The following DPYD variants were observed in gnomAD, a reference collection of about 807,000 sequenced individuals.
DPYD encodes the protein dihydropyrimidine dehydrogenase.
Under a neutral mutation model 116.2 loss-of-function variants are expected in DPYD, and 109 were observed. That is an observed-to-expected ratio of 0.94 (90% CI 0.80 to 1.10). The LOEUF (loss-of-function observed/expected upper bound fraction) is 1.10. Among genes scored for constraint, DPYD ranks in the 50% least tolerant of loss-of-function variants. The probability of loss-of-function intolerance (pLI) is 0.00; values close to 1 mark genes in which losing one functional copy is unlikely to be tolerated. For synonymous variants in DPYD, 440 were observed against 432.0 expected, an observed-to-expected ratio of 1.02 and a Z score of -0.23; for missense variants, 1,302 against 1,254.5, an observed-to-expected ratio of 1.04 and a Z score of -0.57.
intron 1 of DPYD, among the ~76,000 whole-genome samples, chr1:97,909,968 G>A (rs1191907208): frequency 6.6e-6 from 1 of 151,928 alleles, no homozygotes; most frequent in Non-Finnish European, 1.5e-5. Context: ...GTTTACCAAA[G>A]TTCAGTCCCA....
chr1:97,664,874 A>G (rs1185136478), intron 8 of DPYD, among the ~76,000 whole-genome samples: 2 of 152,194 alleles, frequency 1.3e-5, no homozygotes, highest in Admixed American at 1.3e-4. Context: ...GCACGCACAC[A>G]CACATACACA....
intron 1 of DPYD, among the ~76,000 whole-genome samples, chr1:97,899,883 T>C (rs1438470700): frequency 6.6e-6 from 1 of 151,908 alleles, no homozygotes; most frequent in Non-Finnish European, 1.5e-5. Flanking sequence ...CATCTATCAA[T>C]TATACATGGA....
intron 3 of DPYD, among the ~76,000 whole-genome samples, chr1:97,790,405 C>T (rs970801836): frequency 1.3e-5 from 2 of 151,766 alleles, no homozygotes; most frequent in Admixed American, 6.6e-5. Flanking sequence ...GATACAAAGC[C>T]CAGAAGGATT....
intron 10 of DPYD, among the ~76,000 whole-genome samples, chr1:97,583,834 T>C (rs533929906): frequency 2.5e-4 from 38 of 152,164 alleles, no homozygotes; most frequent in Non-Finnish European, 4.6e-4. Context: ...TTGGGTTGGT[T>C]CCAAGTCTTT....
At chr1:97,773,233 T>C (rs1357733792) in intron 3 of DPYD, among the ~76,000 whole-genome samples, 1 of 152,192 alleles carries the variant, frequency 6.6e-6, no homozygotes, top group Non-Finnish European at 1.5e-5. Context: ...ATGAGACAAC[T>C]GAGCCAGAAA....
chr1:97,169,669 C>T lies in DPYD; in HGVS notation c.2622+23400G>A, dbSNP rs1410949842. On this transcript the variant is annotated intron_variant, in intron 20 of 22. Transcript: ENST00000370192. ...CTCTTTTAATAGACTCTACTAGCAACCTGTCACATTTAATCACTACTGAAC... is the reference window on the plus strand; with the variant it reads ...CTCTTTTAATAGACTCTACTAGCAATCTGTCACATTTAATCACTACTGAAC... 2.0e-5 allele frequency among the ~76,000 whole-genome samples: 3 copies of T among 151,956 alleles called. No individual in the cohort carries two copies. In the East Asian group the frequency reaches 5.8e-4, roughly 29 times the overall value.
chr1:97,513,024 A>C (rs1174454459), intron 13 of DPYD, among the ~76,000 whole-genome samples: 1 of 151,810 alleles, frequency 6.6e-6, no homozygotes, highest in East Asian at 1.9e-4. Flanking sequence ...CTTTCTAAAG[A>C]AAGCACATAC....
intron 19 of DPYD, among the ~76,000 whole-genome samples, chr1:97,229,275 A>C (rs1661421876): frequency 6.7e-6 from 1 of 150,138 alleles, no homozygotes; most frequent in African/African-American, 2.4e-5. Flanking sequence ...GAATAAAAAG[A>C]AATACTGACT....
intron 12 of DPYD, among the ~76,000 whole-genome samples, chr1:97,532,607 T>C (rs1197139884): frequency 6.6e-6 from 1 of 152,130 alleles, no homozygotes; most frequent in African/African-American, 2.4e-5. Flanking sequence ...TCTGTCTTTA[T>C]AGGTTGTATG....
chr1:97,459,230 G>T lies in DPYD; in HGVS notation c.1741-9007C>A, dbSNP rs7544620. ...TGGGGATGATATGATGATATATCTG[G>T]GCAAGTTACCTGAAAGCAAACAAAT... On this transcript the variant is annotated intron_variant, in intron 13 of 22. Transcript: ENST00000370192. Among the ~76,000 whole-genome samples the T allele has an allele frequency of 3.5e-3, 536 of 152,116 alleles. 1 individual carries two copies. The highest frequency in any genetic ancestry group is 0.011 in the African/African-American group (470 of 41,522).
chr1:97,720,549 T>C, intron 5 of DPYD: 1 of 1,040,502 alleles, frequency 9.6e-7, no homozygotes. Context: ...GAGCTCTTCT[T>C]TAGAATTAAC....
At chr1:97,123,013 G>A (rs908599539) in intron 20 of DPYD, among the ~76,000 whole-genome samples, 3 of 152,090 alleles carry the variant, frequency 2.0e-5, no homozygotes, top group East Asian at 3.9e-4. Context: ...CTTGGATCTC[G>A]TTAGATCAGA....
chr1:97,726,349 T>C (rs1663261520), intron 4 of DPYD, among the ~76,000 whole-genome samples: 1 of 151,630 alleles, frequency 6.6e-6, no homozygotes, highest in Admixed American at 6.6e-5. Context: ...CCTGACTTTC[T>C]GGTTTTGGAT....
chr1:97,798,656 T>C (rs1571376090), intron 3 of DPYD, among the ~76,000 whole-genome samples: 1 of 151,950 alleles, frequency 6.6e-6, no homozygotes, highest in Non-Finnish European at 1.5e-5. Context: ...CCTCACAGGA[T>C]TGTTATTAAG....
chr1:97,633,108 A>T (rs1480052623), intron 8 of DPYD, among the ~76,000 whole-genome samples: 1 of 152,188 alleles, frequency 6.6e-6, no homozygotes, highest in African/African-American at 2.4e-5. Flanking sequence ...AGCCAAAAAA[A>T]TAATATTTGA....
chr1:97,879,361 A>G (rs1672074344), intron 2 of DPYD, among the ~76,000 whole-genome samples: 1 of 152,094 alleles, frequency 6.6e-6, no homozygotes, highest in South Asian at 2.1e-4. Context: ...TAATTGGCTA[A>G]TTGGCTGTCT....
intron 16 of DPYD, among the ~76,000 whole-genome samples, chr1:97,364,210 T>C (rs964786031): frequency 2.0e-5 from 3 of 152,164 alleles, no homozygotes; most frequent in Non-Finnish European, 4.4e-5. Context: ...AGAAAAAATG[T>C]TGGCAAAGGA....
intron 3 of DPYD, among the ~76,000 whole-genome samples, chr1:97,757,187 T>C (rs963660833): frequency 3.2e-4 from 49 of 152,194 alleles, no homozygotes; most frequent in Non-Finnish European, 4.7e-4. Context: ...ACAGATTCTT[T>C]CTGTAACTCA....
chr1:97,766,145 G>T (rs1665843156), intron 3 of DPYD, among the ~76,000 whole-genome samples: 1 of 152,136 alleles, frequency 6.6e-6, no homozygotes, highest in Admixed American at 6.5e-5. Flanking sequence ...GGAGACTGAG[G>T]CAGGAGAATT....
Sources: allele counts gnomAD v4.1 joint callset (sites outside exome capture counted in the v4.1 genomes callset), GRCh38; gene constraint gnomAD v4.1.1; transcripts MANE v1.5; gene names NCBI Gene and HGNC (gene_info 2026-07-23, HGNC 2026-07-21).